The following A1BG variants were observed in gnomAD, a reference collection of about 807,000 sequenced individuals.
A1BG encodes the protein alpha-1-B glycoprotein, also known as alpha-1B-glycoprotein.
Under a neutral mutation model 46.0 loss-of-function variants are expected in A1BG, and 44 were observed. The observed-to-expected ratio is 0.96, with a 90% CI of 0.75 to 1.23. The LOEUF is 1.23. Ranked by LOEUF, A1BG falls within the 50% of genes most tolerant of loss-of-function variation. The pLI, the probability that A1BG is intolerant of heterozygous loss-of-function variation, is 0.00. For missense variants in A1BG, 707 were observed against 688.8 expected (o/e 1.03, Z -0.30); for synonymous variants, 316 against 314.7 (o/e 1.00, Z -0.04).
Position 58,347,366 on chromosome 19 carries a change from C to G in A1BG, c.1467G>C (p.Glu489Asp). 1 of 1,611,920 alleles carries G rather than the reference C, an allele frequency of 6.2e-7. No individual in the cohort carries two copies. Among genetic ancestry groups the G allele is most frequent in the Non-Finnish European group, 8.5e-7 (1 of 1,179,836 alleles). ...GGGAAACGTCACCTGCCACCAGGAG[C>G]TCCACAGGGTCGCTGAGCTCCGATT... ...TFESELSDPV[E>D]LLVAES The change falls in exon 7 of 8, where the codon GAG (glutamate) becomes GAC (aspartate). Residue 489 changes from glutamate to aspartate, a missense_variant. Coordinates refer to ENST00000263100, the MANE Select transcript of A1BG (RefSeq NM_130786.4).
rs2051908050 is a variant in A1BG, at chr19:58,345,316, C to T, written c.*1706G>A. ...GACATTAAGGAAACGCAAGGAAAAC[C>T]ACTATTAGATATGTCTACATACCTA... On this transcript the variant is annotated 3_prime_UTR_variant, in exon 8 of 8. Transcript: ENST00000263100. 1 of 152,112 alleles carries T rather than the reference C, an allele frequency of 6.6e-6. No homozygotes were observed. The highest frequency in any genetic ancestry group is 2.4e-5 in the African/African-American group (1 of 41,414). The allele number at this position is 152,112 out of a possible 1,614,324, so 9.4% of individuals were successfully genotyped here. A position where few individuals can be genotyped will look rare whatever the true frequency, so the allele number is the denominator to read the frequency against.
rs1256073418 is a variant in A1BG, at chr19:58,345,972, T to C, written c.*1050A>G. The C allele has an allele frequency of 6.6e-6, 1 of 152,300 alleles. No homozygotes were observed. Among genetic ancestry groups the C allele is most frequent in the Non-Finnish European group, 1.5e-5 (1 of 68,086 alleles). 9.4% of individuals were successfully genotyped at this position (152,300 alleles called of 1,614,324 possible). On this transcript the variant is annotated 3_prime_UTR_variant, in exon 8 of 8. Transcript: ENST00000263100. ...GGTTGGGAAGGCATCAGATGTCAGA[T>C]GGCACAAGAGGACTCAGAGCTGAGG...
At position 58,346,828 on chromosome 19, in the gene A1BG, C is replaced by G. The variant is rs1448659364; in HGVS notation, c.*194G>C. ...ACTTTGAGGACACGAGATCCCAGCC[C>G]ACTCAGCCCTGGGAGTCCAAAGACA... On this transcript the variant is annotated 3_prime_UTR_variant, in exon 8 of 8. Transcript: ENST00000263100. 4.2e-6 allele frequency: 3 copies of G among 717,652 alleles called. No individual in the cohort carries two copies. In the African/African-American group the frequency reaches 5.3e-5, roughly 13 times the overall value. 44.5% of individuals were successfully genotyped at this position (717,652 alleles called of 1,614,324 possible). A position where few individuals can be genotyped will look rare whatever the true frequency, so the allele number is the denominator to read the frequency against.
intron 3 of A1BG, 125 bp downstream of exon 3, chr19:58,352,803 C>T: frequency 7.2e-7 from 1 of 1,391,844 alleles, no homozygotes; most frequent in Non-Finnish European, 9.7e-7. Flanking sequence ...GACATCATCC[C>T]CATTTGACAG....
In A1BG at chr19:58,347,540, G is replaced by T. The variant is rs1262501552; in HGVS notation, c.1293C>A (p.Thr431=). The T allele has an allele frequency of 1.3e-6, 2 of 1,573,044 alleles. No individual in the cohort carries two copies. Among genetic ancestry groups the T allele is most frequent in the Admixed American group, 1.8e-5 (1 of 56,476 alleles). ...LRCEGPIPDV[T]FELLREGETK... ...TCTCGCCCTCGCGCAGCAGCTCGAA[G>T]GTGACGTCGGGGATGGGTCCCTCGC... Residue 431 remains threonine, a synonymous_variant, in exon 7 of 8, where the codon ACC becomes ACA. Coordinates refer to ENST00000263100, the MANE Select transcript of A1BG (RefSeq NM_130786.4).
intron 6 of A1BG, 49 bp downstream of exon 6, chr19:58,350,321 G>C (rs950762233): frequency 2.7e-6 from 4 of 1,497,580 alleles, no homozygotes; most frequent in Non-Finnish European, 3.6e-6. Flanking sequence ...AGGAGGCCCC[G>C]AGGGGCACTG....
rs753157383 is a variant in A1BG at position 58,347,666 on chromosome 19, G to GCCAGGCCACGCCCCAGGCCACGCC, written c.1193-50_1193-27dup. On this transcript the variant is annotated intron_variant, in intron 6 of 7. Coordinates refer to ENST00000263100, the MANE Select transcript of A1BG (RefSeq NM_130786.4). ...CTGGGCGGAGCGGGCGGGTGGTCGG[G>GCCAGGCCACGCCCCAGGCCACGCC]CCAGGCCACGCCCCAGGCCACGCCC... 77 of 1,150,542 alleles carry GCCAGGCCACGCCCCAGGCCACGCC rather than the reference G, an allele frequency of 6.7e-5. 1 individual carries two copies. In the African/African-American group the frequency reaches 1.8e-3, roughly 27 times the overall value. The allele number at this position is 1,150,542 out of a possible 1,614,324, so 71.3% of individuals were successfully genotyped here.
At position 58,351,681 on chromosome 19, in the gene A1BG, G is replaced by C. The variant is rs1433759435; in HGVS notation, c.620C>G (p.Pro207Arg). The change falls in exon 5 of 8, where the codon CCA (proline) becomes CGA (arginine). Residue 207 changes from proline to arginine, a missense_variant. Physicochemically the swap from Pro to Arg is moderately radical, Grantham distance 103. Transcript: ENST00000263100. ...ATVTIEELAA[P>R]PPPVLMHHGE... ...ATGGTGCATCAGCACAGGCGGTGGT[G>C]GTGCAGCTGCAATGCAGGCAGCATT... 1 of 1,586,308 alleles carries C rather than the reference G, an allele frequency of 6.3e-7. No homozygotes were observed. Among genetic ancestry groups the C allele is most frequent in the Admixed American group, 1.8e-5 (1 of 55,826 alleles).
Position 58,353,066 on chromosome 19 carries a change from C to T in A1BG, c.202G>A (p.Glu68Lys), listed in dbSNP as rs766717332. 2 of 1,614,178 alleles carry T rather than the reference C, an allele frequency of 1.2e-6. No homozygotes were observed. The highest frequency in any genetic ancestry group is 1.7e-6 in the Non-Finnish European group (2 of 1,180,038). The change falls in exon 3 of 8, where the codon GAG (glutamate) becomes AAG (lysine). Residue 68 changes from glutamate (E) to lysine (K), a missense_variant. Glu to Lys is a moderately conservative substitution (Grantham distance 56). Transcript: ENST00000263100. ...GCAGGTGAGTCAAGGTGCACAGGCT[C>T]CTGGGCCACCCCATTCTTGAACAGC... is the stretch of plus-strand genomic sequence containing the variant. ...FQLFKNGVAQEPVHLDSPAIK... is the reference protein window; with the variant it reads ...FQLFKNGVAQKPVHLDSPAIK...
chr19:58,347,104 G>T (rs2051918496), intron 7 of A1BG, 75 bp from the exon 8 acceptor site: 3 of 1,555,442 alleles, frequency 1.9e-6, no homozygotes, highest in South Asian at 1.1e-5. Flanking sequence ...AATCAAGGCC[G>T]ACCTCCCTGA....
intron 7 of A1BG, 126 bp from the exon 8 acceptor site, chr19:58,347,155 G>T: frequency 7.3e-7 from 1 of 1,367,396 alleles, no homozygotes; most frequent in Non-Finnish European, 1.0e-6. Flanking sequence ...TGCCAGCCGA[G>T]ACCCCCATCT....
rs1361328426 is a variant in A1BG, at chr19:58,350,545, C to T, written c.1017G>A (p.Glu339=). The T allele has an allele frequency of 6.5e-7, 1 of 1,548,646 alleles. No homozygotes were observed. ...LEGARFALVR[E]DRGGRRVHRF... ...GGTGCACGCGGCGCCCGCCCCTGTCCTCGCGCACCAGGGCGAAGCGCGCGC... is the reference window on the plus strand; with the variant it reads ...GGTGCACGCGGCGCCCGCCCCTGTCTTCGCGCACCAGGGCGAAGCGCGCGC... Residue 339 remains glutamate, a synonymous_variant, in exon 6 of 8, where the codon GAG becomes GAA. Coordinates refer to ENST00000263100, the MANE Select transcript of A1BG (RefSeq NM_130786.4).
At position 58,350,497 on chromosome 19, in the gene A1BG, G is replaced by C; in HGVS notation, c.1065C>G (p.Thr355=). 1 of 1,555,778 alleles carries C rather than the reference G, an allele frequency of 6.4e-7. No homozygotes were observed. Among genetic ancestry groups the C allele is most frequent in the Non-Finnish European group, 8.7e-7 (1 of 1,150,288 alleles). The change falls in exon 6 of 8, where the codon ACC becomes ACG. Residue 355 remains threonine (T), a synonymous_variant. Transcript: ENST00000263100. Reference sequence around the variant, plus strand: ...TGTTGTGCAGCTCGAAGAGCGCCTCGGTCCCAGCGGGGCTCTGGAAACGGT... The same window carrying C: ...TGTTGTGCAGCTCGAAGAGCGCCTCCGTCCCAGCGGGGCTCTGGAAACGGT... ...RVHRFQSPAG[T]EALFELHNIS... is the part of the protein sequence containing the mutation.
At position 58,351,654 on chromosome 19, in the gene A1BG, C is replaced by A. The variant is rs915080871; in HGVS notation, c.647G>T (p.Gly216Val). 6.2e-7 allele frequency: 1 copy of A among 1,608,898 alleles called. No individual in the cohort carries two copies. Among genetic ancestry groups the A allele is most frequent in the Non-Finnish European group, 8.5e-7 (1 of 1,178,056 alleles). ...AGGGTGCAGGACCTGGGAGGACTCT[C>A]CATGGTGCATCAGCACAGGCGGTGG... ...APPPPVLMHH[G>V]ESSQVLHPGN... is the part of the protein sequence containing the mutation. Residue 216 changes from glycine to valine, a missense_variant, in exon 5 of 8, where the codon GGA (glycine) becomes GTA (valine). Gly to Val is a moderately radical substitution (Grantham distance 109). Transcript: ENST00000263100.
rs764289152 is a variant in A1BG at position 58,353,344 on chromosome 19, C to T, written c.35-17G>A. 142 of 1,610,226 alleles carry T rather than the reference C, an allele frequency of 8.8e-5. No individual in the cohort carries two copies. The highest frequency in any genetic ancestry group is 1.1e-4 in the Non-Finnish European group (126 of 1,178,406). On this transcript the variant is annotated splice_polypyrimidine_tract_variant and intron_variant, in intron 1 of 7. Transcript: ENST00000263100. ...AGGTGACACCTGCGGAGACAGCCCCCGTAAGGCTCCTGTTCCCGCCCCCTC... is the reference window on the plus strand; with the variant it reads ...AGGTGACACCTGCGGAGACAGCCCCTGTAAGGCTCCTGTTCCCGCCCCCTC...
rs776058655 is a variant in A1BG, at chr19:58,353,455, C to T, written c.-18G>A. On this transcript the variant is annotated 5_prime_UTR_variant, in exon 1 of 8. Transcript: ENST00000263100. ...ATGGACATGATGGTCGCGCTCACTC[C>T]GGTGCAGTGAGTGTCTGGGGTGAGC... 158 of 1,603,132 alleles carry T rather than the reference C, an allele frequency of 9.9e-5. No homozygotes were observed. The highest frequency in any genetic ancestry group is 3.3e-4 in the Middle Eastern group (2 of 6,078).
intron 1 of A1BG, 34 bp from the exon 2 acceptor site, chr19:58,353,361 C>G: frequency 6.2e-7 from 1 of 1,608,310 alleles, no homozygotes; most frequent in South Asian, 1.1e-5. Context: ...CTCCTGTTCC[C>G]GCCCCCTCCC....
chr19:58,348,969 A>C (rs1568552693), intron 6 of A1BG: 1 of 152,254 alleles, frequency 6.6e-6, no homozygotes, highest in African/African-American at 2.4e-5. Context: ...AAGGAGAGTG[A>C]TAAATAAAAT....
rs773884016 is a variant in A1BG, at chr19:58,350,449, G to C, written c.1113C>G (p.Asn371Lys). The C allele has an allele frequency of 6.4e-7, 1 of 1,553,632 alleles. No individual in the cohort carries two copies. Among genetic ancestry groups the C allele is most frequent in the South Asian group, 1.2e-5 (1 of 84,334 alleles). ...TCAGGTCCACGTAGACGCAGCTGTA[G>C]TTGGCGGAGTCAGCCACGGAAATGT... ...LHNISVADSANYSCVYVDLKP... is the reference protein window; with the variant it reads ...LHNISVADSAKYSCVYVDLKP... The change falls in exon 6 of 8, where the codon AAC becomes AAG. Residue 371 changes from asparagine (N) to lysine (K), a missense_variant. Coordinates refer to ENST00000263100, the MANE Select transcript of A1BG (RefSeq NM_130786.4).
Sources: gnomAD v4.1 joint callset for allele counts on GRCh38, gnomAD v4.1.1 for gene constraint, MANE v1.5 for transcripts, NCBI Gene and HGNC (gene_info 2026-07-23, HGNC 2026-07-21) for gene names.